DGKI: variants seen among roughly 807,000 people sequenced by gnomAD.
The protein encoded by DGKI is diacylglycerol kinase iota.
Under a neutral mutation model 147.5 loss-of-function variants are expected in DGKI, and 55 were observed. The observed-to-expected ratio is 0.37, with a 90% CI of 0.30 to 0.47. DGKI has a LOEUF of 0.47. Among genes scored for constraint, DGKI ranks in the 20% least tolerant of loss-of-function variants. The pLI, the probability that DGKI is intolerant of heterozygous loss-of-function variation, is 1.00. For synonymous variants in DGKI, 469 were observed against 477.1 expected (o/e 0.98, Z 0.22); for missense variants, 1,007 against 1,323.8 (o/e 0.76, Z 3.71).
Position 137,395,643 on chromosome 7 carries a change from C to A in DGKI, c.3012G>T (p.Gln1004His). ...GAGATGCTCCTGCATCCACCAGAAG[C>A]TGGCACACAGCCCGGTTCCGCTGGC... ...AACQRNRAVC[Q>H]LLVDAGASLR... Residue 1004 changes from glutamine to histidine, a missense_variant, in exon 32 of 33, where the codon CAG becomes CAT. Physicochemically the swap from Gln to His is conservative, Grantham distance 24 (BLOSUM62 0). Coordinates refer to ENST00000614521, the MANE Select transcript of DGKI (RefSeq NM_001321708.2). 3 of 1,614,186 alleles carry A rather than the reference C, an allele frequency of 1.9e-6. No individual in the cohort carries two copies. The highest frequency in any genetic ancestry group is 2.5e-6 in the Non-Finnish European group (3 of 1,179,992).
intron 1 of DGKI, among the ~76,000 whole-genome samples, chr7:137,693,749 T>G (rs1024756761): frequency 2.6e-5 from 4 of 152,234 alleles, no homozygotes; most frequent in Non-Finnish European, 4.4e-5. Flanking sequence ...GGTTGAGAAA[T>G]CTGATTAGGA....
intron 1 of DGKI, among the ~76,000 whole-genome samples, chr7:137,769,155 T>C (rs965100025): frequency 3.3e-5 from 5 of 152,202 alleles, no homozygotes; most frequent in Non-Finnish European, 7.3e-5. Context: ...TTGCTGCTTC[T>C]GCGACACCCA....
intron 1 of DGKI, among the ~76,000 whole-genome samples, chr7:137,707,296 T>C (rs1346607330): frequency 3.3e-5 from 5 of 152,190 alleles, no homozygotes; most frequent in South Asian, 2.1e-4. Context: ...CCTCAACTGA[T>C]TGGATAACGT....
At chr7:137,731,523 G>A (rs1371291346) in intron 1 of DGKI, among the ~76,000 whole-genome samples, 2 of 152,030 alleles carry the variant, frequency 1.3e-5, no homozygotes, top group African/African-American at 4.8e-5. Context: ...TCATCATTAT[G>A]TGCCTTAGCA....
intron 19 of DGKI, among the ~76,000 whole-genome samples, chr7:137,567,613 G>C (rs1728454): frequency 0.021 from 3,159 of 152,258 alleles, 107 homozygotes; most frequent in African/African-American, 0.072. Context: ...ACTACGGAGA[G>C]TTTAAGGTCA....
intron 30 of DGKI, among the ~76,000 whole-genome samples, chr7:137,403,797 C>A (rs536641071): frequency 5.3e-4 from 81 of 151,998 alleles, no homozygotes; most frequent in Non-Finnish European, 9.9e-4. Flanking sequence ...TATTCAATAA[C>A]CAGGAGGAAT....
rs1308373176 is a variant in DGKI, at chr7:137,386,284, G to A, written c.*4936C>T. Reference sequence around the variant, plus strand: ...TTTCTCATTAAGCTGTGAGGAGACAGTGTAAAACCAAAGATGGCCCTCAGC... The same window carrying A: ...TTTCTCATTAAGCTGTGAGGAGACAATGTAAAACCAAAGATGGCCCTCAGC... On this transcript the variant is annotated 3_prime_UTR_variant, in exon 33 of 33. Transcript: ENST00000614521. 2.0e-5 allele frequency: 3 copies of A among 152,056 alleles called. No homozygotes were observed. The South Asian group carries it at 6.2e-4, about 31-fold the overall frequency. The allele number at this position is 152,056 out of a possible 1,614,324, so 9.4% of individuals were successfully genotyped here. A position where few individuals can be genotyped will look rare whatever the true frequency, so the allele number is the denominator to read the frequency against.
chr7:137,757,480 C>G (rs1227415430), intron 1 of DGKI, among the ~76,000 whole-genome samples: 1 of 152,170 alleles, frequency 6.6e-6, no homozygotes, highest in Non-Finnish European at 1.5e-5. Context: ...TGTGATTTCC[C>G]TAGAAGTCAT....
At chr7:137,796,315 T>C (rs941931940) in intron 1 of DGKI, among the ~76,000 whole-genome samples, 24 of 152,128 alleles carry the variant, frequency 1.6e-4, no homozygotes, top group Admixed American at 1.4e-3. Context: ...CTGATCAACA[T>C]GGCAAAACCC....
At chr7:137,496,242 C>T (rs1230219945) in intron 21 of DGKI, among the ~76,000 whole-genome samples, 1 of 152,004 alleles carries the variant, frequency 6.6e-6, no homozygotes, top group Non-Finnish European at 1.5e-5. Flanking sequence ...CCTAGGAATA[C>T]AGCTAACCAG....
intron 30 of DGKI, among the ~76,000 whole-genome samples, chr7:137,405,988 A>G (rs1429803614): frequency 6.6e-6 from 1 of 151,536 alleles, no homozygotes; most frequent in Non-Finnish European, 1.5e-5. Context: ...AGGTGAAAAG[A>G]TGGGTGGGGG....
intron 22 of DGKI, among the ~76,000 whole-genome samples, chr7:137,485,631 T>C (rs1356221867): frequency 6.6e-6 from 1 of 152,124 alleles, no homozygotes; most frequent in Non-Finnish European, 1.5e-5. Context: ...CATTAAGCTG[T>C]TGAAACCTAT....
In DGKI at chr7:137,840,838, A is replaced by T. The variant is rs111693824; in HGVS notation, c.401+5624T>A. On this transcript the variant is annotated intron_variant, in intron 1 of 32. Coordinates refer to ENST00000614521, the MANE Select transcript of DGKI (RefSeq NM_001321708.2). ...ATAAATACTTATCCAACACCTACCA[A>T]GCAAGAAGAATCAGAGTCATCGATT... 6.9e-3 allele frequency among the ~76,000 whole-genome samples: 1,054 copies of T among 152,372 alleles called. 10 individuals are homozygous for T. Among genetic ancestry groups the T allele is most frequent in the African/African-American group, 0.024 (1,015 of 41,596 alleles).
intron 23 of DGKI, among the ~76,000 whole-genome samples, chr7:137,481,702 T>C (rs1815378465): frequency 6.6e-6 from 1 of 152,110 alleles, no homozygotes; most frequent in South Asian, 2.1e-4. Context: ...AGCAATGAAA[T>C]GCTTAAGTGG....
chr7:137,597,735 T>C lies in DGKI; in HGVS notation c.1311+112A>G. 7.5e-6 allele frequency: 7 copies of C among 934,872 alleles called. No homozygotes were observed. In the East Asian group the frequency reaches 1.0e-4, roughly 14 times the overall value. 57.9% of individuals were successfully genotyped at this position (934,872 alleles called of 1,614,324 possible). On this transcript the variant is annotated intron_variant, in intron 12 of 32. Transcript: ENST00000614521. The stretch of plus-strand genomic sequence containing the variant: ...GGGGCTATGATTCACATGAGAGATA[T>C]ACATGTGTTAGGGGATTAGAAAGAC...
intron 1 of DGKI, among the ~76,000 whole-genome samples, chr7:137,787,046 C>G (rs1205226680): frequency 6.6e-6 from 1 of 152,076 alleles, no homozygotes; most frequent in Non-Finnish European, 1.5e-5. Context: ...TGGAAAAACC[C>G]TTCTAGACAT....
In DGKI at chr7:137,791,830, C is replaced by A. The variant is rs937423994; in HGVS notation, c.401+54632G>T. Among the ~76,000 whole-genome samples the A allele has an allele frequency of 5.2e-4, 79 of 152,174 alleles. 4 individuals are homozygous for A. The highest frequency in any genetic ancestry group is 2.1e-4 in the South Asian group (1 of 4,824). On this transcript the variant is annotated intron_variant, in intron 1 of 32. Transcript: ENST00000614521. ...AGTGAAACAAACCACTCAATCCTTT[C>A]CCCCTCACTTCAATTATGCTGTCAA...
At position 137,577,435 on chromosome 7, in the gene DGKI, T is replaced by C. The variant is rs1819022988; in HGVS notation, c.1699-151A>G. On this transcript the variant is annotated intron_variant, in intron 16 of 32. Coordinates refer to ENST00000614521, the MANE Select transcript of DGKI (RefSeq NM_001321708.2). ...CAGAATCCAAAGTAAAGCAGTGCAG[T>C]AGTTGTCAAGTTGAAATTTTTCTCT... 1.5e-5 allele frequency: 9 copies of C among 618,204 alleles called. No individual in the cohort carries two copies. In the East Asian group the frequency reaches 2.5e-4, roughly 17 times the overall value. 38.3% of individuals were successfully genotyped at this position (618,204 alleles called of 1,614,324 possible).
chr7:137,638,454 ATATATATGTGTG>A (rs1424323614), intron 6 of DGKI, among the ~76,000 whole-genome samples: 5 of 89,152 alleles, frequency 5.6e-5, no homozygotes, highest in Non-Finnish European at 8.9e-5. Flanking sequence ...ACACACACAC[ATATATATGTGTG>A]TATATATGTG....
Sources: gnomAD v4.1 joint callset for allele counts (sites outside exome capture counted in the v4.1 genomes callset) on GRCh38, gnomAD v4.1.1 for gene constraint, MANE v1.5 for transcripts, NCBI Gene and HGNC (gene_info 2026-07-23, HGNC 2026-07-21) for gene names.